NRXN3: variants seen among roughly 807,000 people sequenced by gnomAD.
The protein encoded by NRXN3 is neurexin 3.
A neutral mutation model predicts 137.6 loss-of-function variants in NRXN3; 32 were observed. The ratio of observed to expected loss-of-function variants is 0.23; its 90% CI spans 0.18 to 0.31. The LOEUF (loss-of-function observed/expected upper bound fraction) is 0.31, where lower values mean the gene tolerates loss of function less well. Among genes scored for constraint, NRXN3 ranks in the 10% least tolerant of loss-of-function variants. NRXN3 has a pLI of 1.00. For missense variants in NRXN3, 1,574 were observed against 2,062.5 expected (o/e 0.76, Z 4.59); for synonymous variants, 798 against 784.5 (o/e 1.02, Z -0.29).
intron 19 of NRXN3, among the ~76,000 whole-genome samples, chr14:79,765,800 T>A (rs2099054002): frequency 6.6e-6 from 1 of 152,206 alleles, no homozygotes; most frequent in East Asian, 1.9e-4. Context: ...GACCATATGT[T>A]TAACATGACC....
intron 16 of NRXN3, among the ~76,000 whole-genome samples, chr14:79,496,910 T>C (rs1378501295): frequency 6.6e-6 from 1 of 152,174 alleles, no homozygotes; most frequent in African/African-American, 2.4e-5. Context: ...TGGATATGAA[T>C]TGAGCCTTTG....
At chr14:78,656,488 C>T (rs1186418884) in intron 6 of NRXN3, among the ~76,000 whole-genome samples, 2 of 152,134 alleles carry the variant, frequency 1.3e-5, no homozygotes, top group East Asian at 3.9e-4. Flanking sequence ...TTTCAAGGCC[C>T]AAATTATAAG....
At chr14:78,855,064 T>C (rs1283229179) in intron 10 of NRXN3, among the ~76,000 whole-genome samples, 1 of 151,186 alleles carries the variant, frequency 6.6e-6, no homozygotes, top group Non-Finnish European at 1.5e-5. Context: ...CTCGGGAGGC[T>C]GGGGCAGGAG....
chr14:79,254,800 G>A (rs2076367170), intron 15 of NRXN3, among the ~76,000 whole-genome samples: 1 of 151,582 alleles, frequency 6.6e-6, no homozygotes, highest in Non-Finnish European at 1.5e-5. Context: ...CTCCCTGCCT[G>A]CCTCCCTCCC....
At chr14:78,331,715 G>A (rs934197682) in intron 4 of NRXN3, among the ~76,000 whole-genome samples, 1 of 152,220 alleles carries the variant, frequency 6.6e-6, no homozygotes, top group Admixed American at 6.5e-5. Flanking sequence ...TGACTGGTGA[G>A]TAGAAGGCAT....
intron 15 of NRXN3, among the ~76,000 whole-genome samples, chr14:79,059,171 A>G (rs1253683441): frequency 1.3e-5 from 2 of 148,906 alleles, no homozygotes; most frequent in Non-Finnish European, 3.0e-5. Context: ...ATCATCTTCT[A>G]TTTATTCTCC....
chr14:79,496,035 T>A (rs1402065844), intron 16 of NRXN3, among the ~76,000 whole-genome samples: 1 of 151,422 alleles, frequency 6.6e-6, no homozygotes, highest in Non-Finnish European at 1.5e-5. Context: ...AATGTTGGGG[T>A]TTTGTTACCT....
rs373869854 is a variant in NRXN3, at chr14:78,210,674, G to T, written c.-703-31717G>T. Among the ~76,000 whole-genome samples, 5 of 151,870 alleles carry T rather than the reference G, an allele frequency of 3.3e-5. No homozygotes were observed. In the East Asian group the frequency reaches 7.7e-4, roughly 24 times the overall value. ...TTTCTGTGCCTCTTGGTGGTCAGTT[G>T]CTGTCCCCACCCCTGGCCCCAGGCA... On this transcript the variant is annotated intron_variant, in intron 1 of 20. Coordinates refer to ENST00000335750, the MANE Select transcript of NRXN3 (RefSeq NM_001330195.2).
chr14:78,403,919 A>T, intron 4 of NRXN3: 1 of 975,242 alleles, frequency 1.0e-6, no homozygotes, highest in African/African-American at 1.8e-5. Flanking sequence ...AAGATATGTG[A>T]GCTGCGGTGG....
At chr14:79,760,446 T>C (rs186556879) in intron 19 of NRXN3, among the ~76,000 whole-genome samples, 79 of 148,492 alleles carry the variant, frequency 5.3e-4, no homozygotes, top group Non-Finnish European at 3.6e-4. Flanking sequence ...TAAGCCTCTG[T>C]GAGAAATAAC....
chr14:79,485,059 A>G (rs576969934), intron 16 of NRXN3, among the ~76,000 whole-genome samples: 141 of 152,282 alleles, frequency 9.3e-4, no homozygotes, highest in African/African-American at 3.3e-3. Flanking sequence ...ATGTTTTAAT[A>G]TATAATATTA....
At chr14:78,513,594 T>C (rs1405368672) in intron 4 of NRXN3, among the ~76,000 whole-genome samples, 2 of 152,138 alleles carry the variant, frequency 1.3e-5, no homozygotes, top group Non-Finnish European at 2.9e-5. Context: ...AATAAATACA[T>C]GAGGAGTTAA....
At chr14:79,182,235 A>G (rs546315713) in intron 15 of NRXN3, among the ~76,000 whole-genome samples, 18 of 152,196 alleles carry the variant, frequency 1.2e-4, no homozygotes, top group South Asian at 2.1e-4. Context: ...TAATTTTTCC[A>G]TGGACTGGGG....
chr14:79,414,610 C>T (rs2095469984), intron 15 of NRXN3, among the ~76,000 whole-genome samples: 1 of 152,056 alleles, frequency 6.6e-6, no homozygotes, highest in Non-Finnish European at 1.5e-5. Flanking sequence ...TCAGGGAGTA[C>T]AACATAATGT....
intron 19 of NRXN3, among the ~76,000 whole-genome samples, chr14:79,754,331 G>A (rs530239274): frequency 2.4e-4 from 37 of 151,570 alleles, no homozygotes; most frequent in Middle Eastern, 3.4e-3. Flanking sequence ...ACGACAGAGC[G>A]AGACTCCATC....
intron 20 of NRXN3, among the ~76,000 whole-genome samples, chr14:79,816,758 C>T (rs2099252655): frequency 6.6e-6 from 1 of 152,156 alleles, no homozygotes; most frequent in Non-Finnish European, 1.5e-5. Context: ...TAACCAACTG[C>T]ACAGTGAAAT....
At position 79,770,567 on chromosome 14, in the gene NRXN3, T is replaced by G. The variant is rs1036720528; in HGVS notation, c.4015-34545T>G. Among the ~76,000 whole-genome samples, 31 of 149,256 alleles carry G rather than the reference T, an allele frequency of 2.1e-4. 1 individual carries two copies. In the South Asian group the frequency reaches 6.6e-3, roughly 32 times the overall value. The stretch of plus-strand genomic sequence containing the variant: ...TGAAGGCAGAAATAAAGATGTTCTT[T>G]GAAACCAACGAGAACAAAGACACAA... On this transcript the variant is annotated intron_variant, in intron 19 of 20. Transcript: ENST00000335750.
At chr14:79,067,371 A>G (rs541418317) in intron 15 of NRXN3, among the ~76,000 whole-genome samples, 23 of 152,166 alleles carry the variant, frequency 1.5e-4, no homozygotes, top group Non-Finnish European at 3.1e-4. Flanking sequence ...GTTTGTCAGT[A>G]TTTTATTGAG....
At chr14:78,778,748 T>TCTC (rs2098755311) in intron 8 of NRXN3, among the ~76,000 whole-genome samples, 1 of 134,956 alleles carries the variant, frequency 7.4e-6, no homozygotes, top group African/African-American at 3.0e-5. Context: ...CTTTCTTTCT[T>TCTC]TCCTTCTTTC....
Sources: gnomAD v4.1 joint callset for allele counts (sites outside exome capture counted in the v4.1 genomes callset) on GRCh38, gnomAD v4.1.1 for gene constraint, MANE v1.5 for transcripts, NCBI Gene and HGNC (gene_info 2026-07-23, HGNC 2026-07-21) for gene names.